The following CORIN variants were observed in gnomAD, a reference collection of about 807,000 sequenced individuals.
CORIN encodes the protein atrial natriuretic peptide-converting enzyme.
Under a neutral mutation model 125.3 loss-of-function variants are expected in CORIN, and 117 were observed. That is an observed-to-expected ratio of 0.93 (90% CI 0.80 to 1.09). The LOEUF is 1.09. CORIN is among the 50% of genes least tolerant of loss of function. The pLI, the probability that CORIN is intolerant of heterozygous loss-of-function variation, is 0.00. For missense variants in CORIN, 1,253 were observed against 1,306.7 expected, an observed-to-expected ratio of 0.96 and a Z score of 0.63; for synonymous variants, 450 against 466.4, an observed-to-expected ratio of 0.96 and a Z score of 0.45.
intron 3 of CORIN, among the ~76,000 whole-genome samples, chr4:47,768,235 C>T (rs1729857761): frequency 1.3e-5 from 2 of 152,174 alleles, no homozygotes; most frequent in South Asian, 2.1e-4. Context: ...TCTTTTCGGA[C>T]TCAGCCCGCC....
At chr4:47,642,219 G>A (rs1288128185) in intron 15 of CORIN, among the ~76,000 whole-genome samples, 170 bp from the exon 16 acceptor site, 1 of 151,792 alleles carries the variant, frequency 6.6e-6, no homozygotes, top group African/African-American at 2.4e-5. Flanking sequence ...TGTGCTAGAG[G>A]GCTAAAAAAA....
chr4:47,694,967 T>C (rs1323402325), intron 5 of CORIN, among the ~76,000 whole-genome samples: 2 of 152,246 alleles, frequency 1.3e-5, no homozygotes, highest in African/African-American at 2.4e-5. Context: ...TACTACTTCA[T>C]GTAACATCTT....
At chr4:47,722,761 T>G (rs1441514461) in intron 5 of CORIN, among the ~76,000 whole-genome samples, 1 of 152,194 alleles carries the variant, frequency 6.6e-6, no homozygotes. Context: ...CCAGTTAAAA[T>G]GGAGTAAAAA....
chr4:47,699,139 A>G (rs1726170433), intron 5 of CORIN, among the ~76,000 whole-genome samples: 1 of 152,210 alleles, frequency 6.6e-6, no homozygotes, highest in Non-Finnish European at 1.5e-5. Context: ...ATAAACAATG[A>G]CCATCCTTGA....
chr4:47,683,659 T>A, intron 7 of CORIN, 72 bp downstream of exon 7: 1 of 1,079,884 alleles, frequency 9.3e-7, no homozygotes, highest in South Asian at 1.4e-5. Flanking sequence ...TAACACATAA[T>A]GAACTGTAAG....
Position 47,648,191 on chromosome 4 carries a change from C to T in CORIN, c.1844-2997G>A, listed in dbSNP as rs544742275. Among the ~76,000 whole-genome samples, 4 of 152,206 alleles carry T rather than the reference C, an allele frequency of 2.6e-5. No individual in the cohort carries two copies. In the South Asian group the frequency reaches 6.2e-4, roughly 24 times the overall value. On this transcript the variant is annotated intron_variant, in intron 13 of 21. Coordinates refer to ENST00000273857, the MANE Select transcript of CORIN (RefSeq NM_006587.4). Reference sequence around the variant, plus strand: ...ATTCTAAAAGGAAAAGGATATGATTCCATCAAAAATTAAAAACAGGCATGG... The same window carrying T: ...ATTCTAAAAGGAAAAGGATATGATTTCATCAAAAATTAAAAACAGGCATGG...
At chr4:47,777,023 G>A (rs2109898566) in intron 3 of CORIN, among the ~76,000 whole-genome samples, 1 of 152,222 alleles carries the variant, frequency 6.6e-6, no homozygotes, top group South Asian at 2.1e-4. Context: ...GTTTGTTTCT[G>A]AGCCTGTCTT....
At chr4:47,795,454 T>C (rs2109932610) in intron 2 of CORIN, among the ~76,000 whole-genome samples, 1 of 152,232 alleles carries the variant, frequency 6.6e-6, no homozygotes, top group South Asian at 2.1e-4. Context: ...TGATTTAATT[T>C]CTTTTATCAG....
At chr4:47,677,714 C>T (rs1171480990) in intron 9 of CORIN, among the ~76,000 whole-genome samples, 1 of 152,172 alleles carries the variant, frequency 6.6e-6, no homozygotes, top group Non-Finnish European at 1.5e-5. Context: ...CCATGCTGTT[C>T]AGGTGTCTCA....
intron 1 of CORIN, among the ~76,000 whole-genome samples, chr4:47,825,956 T>C (rs1309798447): frequency 3.9e-5 from 6 of 151,958 alleles, no homozygotes; most frequent in Admixed American, 3.9e-4. Context: ...GCCAGCCTCA[T>C]CCTCCCAAAG....
chr4:47,763,607 C>A, intron 3 of CORIN, 21 bp from the exon 4 acceptor site: 1 of 1,592,194 alleles, frequency 6.3e-7, no homozygotes, highest in East Asian at 2.2e-5. Flanking sequence ...AAGACATGCA[C>A]ATTTAAGAGT....
intron 5 of CORIN, chr4:47,707,114 A>G: frequency 1.4e-6 from 2 of 1,408,016 alleles, no homozygotes; most frequent in Non-Finnish European, 1.9e-6. Context: ...AAATTAAGAA[A>G]GTTAAAGTGC....
At chr4:47,606,714 C>A (rs1721662370) in intron 19 of CORIN, among the ~76,000 whole-genome samples, 1 of 150,690 alleles carries the variant, frequency 6.6e-6, no homozygotes, top group Non-Finnish European at 1.5e-5. Context: ...CTTCTTTCTT[C>A]CTTTCCTTTT....
At chr4:47,662,626 TA>T (rs758513548) in intron 11 of CORIN, among the ~76,000 whole-genome samples, 106 of 148,764 alleles carry the variant, frequency 7.1e-4, no homozygotes, top group South Asian at 1.9e-3. Flanking sequence ...GTTACACAGT[TA>T]AAAAAAAAAC....
At chr4:47,704,836 A>G (rs1726473608) in intron 5 of CORIN, among the ~76,000 whole-genome samples, 1 of 152,070 alleles carries the variant, frequency 6.6e-6, no homozygotes, top group Non-Finnish European at 1.5e-5. Context: ...TTCTGAGAGA[A>G]GGTTCATTTT....
At chr4:47,729,208 G>A (rs1380484466) in intron 5 of CORIN, among the ~76,000 whole-genome samples, 2 of 152,144 alleles carry the variant, frequency 1.3e-5, no homozygotes, top group Admixed American at 6.5e-5. Context: ...AGTTGTTAGG[G>A]ACTTAAAAGT....
chr4:47,600,569 T>C lies in CORIN; in HGVS notation c.2813-222A>G, dbSNP rs112712693. Among the ~76,000 whole-genome samples, 156 of 152,330 alleles carry C rather than the reference T, an allele frequency of 1.0e-3. 2 individuals are homozygous for C. Among genetic ancestry groups the C allele is most frequent in the African/African-American group, 3.6e-3 (148 of 41,580 alleles). On this transcript the variant is annotated intron_variant, in intron 20 of 21. Coordinates refer to ENST00000273857, the MANE Select transcript of CORIN (RefSeq NM_006587.4). ...GCAATTATCCGGTGAAACTCCTTTA[T>C]TTTATTAATGGGTAAACCAAGGCCT...
intron 5 of CORIN, among the ~76,000 whole-genome samples, chr4:47,709,691 T>C (rs1726754446): frequency 6.6e-6 from 1 of 152,200 alleles, no homozygotes; most frequent in South Asian, 2.1e-4. Context: ...TCACAATTGA[T>C]TATAAGGTTT....
rs755747242 is a variant in CORIN at position 47,805,135 on chromosome 4, CAAAAAA to C, written c.208+1762_208+1767del. ...TGGGCAACACAGCGAGACTCCATCT[CAAAAAA>C]AAAAAAAAATAATAATAATAATAAT... On this transcript the variant is annotated intron_variant, in intron 2 of 21. Transcript: ENST00000273857. Among the ~76,000 whole-genome samples, 18 of 129,416 alleles carry C rather than the reference CAAAAAA, an allele frequency of 1.4e-4. 1 individual carries two copies. The highest frequency in any genetic ancestry group is 9.9e-4 in the Admixed American group (13 of 13,188). The allele number at this position is 129,416 out of a possible 152,430, so 84.9% of individuals were successfully genotyped here.
Sources: gnomAD v4.1 joint callset for allele counts (sites outside exome capture counted in the v4.1 genomes callset) on GRCh38, gnomAD v4.1.1 for gene constraint, MANE v1.5 for transcripts, NCBI Gene and HGNC (gene_info 2026-07-23, HGNC 2026-07-21) for gene names.